The following TSHZ2 variants were observed in gnomAD, a reference collection of about 807,000 sequenced individuals.
TSHZ2 encodes teashirt homolog 2.
In TSHZ2, 21 loss-of-function variants were observed where a neutral mutation model predicts 74.4. The ratio of observed to expected loss-of-function variants is 0.28; its 90% CI spans 0.20 to 0.41. The LOEUF (loss-of-function observed/expected upper bound fraction) is 0.41, where lower values mean the gene tolerates loss of function less well. Ranked by LOEUF, TSHZ2 falls within the 10% of genes least tolerant of loss-of-function variation. The probability of loss-of-function intolerance (pLI) is 1.00; values close to 1 mark genes in which losing one functional copy is unlikely to be tolerated. For synonymous variants in TSHZ2, 540 were observed against 515.3 expected, an observed-to-expected ratio of 1.05 and a Z score of -0.65; for missense variants, 1,244 against 1,293.5, an observed-to-expected ratio of 0.96 and a Z score of 0.59.
chr20:52,985,072 C>G (rs145554865), intron 1 of TSHZ2, among the ~76,000 whole-genome samples: 1 of 152,054 alleles, frequency 6.6e-6, no homozygotes, highest in African/African-American at 2.4e-5. Flanking sequence ...GGGAAAGAGG[C>G]CACACTTTTC....
intron 1 of TSHZ2, among the ~76,000 whole-genome samples, chr20:53,081,868 T>C (rs767975554): frequency 6.6e-6 from 1 of 151,380 alleles, no homozygotes; most frequent in Non-Finnish European, 1.5e-5. Flanking sequence ...AGACTGACTG[T>C]ACGTAAGTAT....
At chr20:53,368,484 T>G (rs1244312824) in intron 2 of TSHZ2, among the ~76,000 whole-genome samples, 1 of 151,522 alleles carries the variant, frequency 6.6e-6, no homozygotes, top group Non-Finnish European at 1.5e-5. Context: ...TTTTATTTTA[T>G]TTTTTTAGTA....
rs555123586 is a variant in TSHZ2, at chr20:53,287,921, C to A, written c.*8+31350C>A. Among the ~76,000 whole-genome samples, 215 of 152,220 alleles carry A rather than the reference C, an allele frequency of 1.4e-3. 5 individuals carry two copies. The South Asian group carries it at 0.041, about 29-fold the overall frequency. On this transcript the variant is annotated intron_variant, in intron 2 of 2. Transcript: ENST00000371497. The stretch of plus-strand genomic sequence containing the variant: ...TATTCTATAAAAATATTTTTCAAAT[C>A]TCTTCCTGACATTTATTGGAGAAGA...
intron 1 of TSHZ2, among the ~76,000 whole-genome samples, chr20:53,022,807 G>A (rs1194316952): frequency 2.0e-5 from 3 of 152,142 alleles, no homozygotes; most frequent in East Asian, 1.9e-4. Flanking sequence ...TAAAATAGGA[G>A]TTCCTTTGTG....
At chr20:53,446,779 GGACT>G (rs888109850) in intron 2 of TSHZ2, among the ~76,000 whole-genome samples, 5 of 152,038 alleles carry the variant, frequency 3.3e-5, no homozygotes, top group Non-Finnish European at 5.9e-5. Context: ...AGGTATCCAG[GGACT>G]GACTCTCTAG....
At chr20:53,423,627 G>A (rs1983557432) in intron 2 of TSHZ2, among the ~76,000 whole-genome samples, 1 of 152,140 alleles carries the variant, frequency 6.6e-6, no homozygotes, top group African/African-American at 2.4e-5. Context: ...CAACTGCTTT[G>A]TTTAAGACAA....
At chr20:53,367,719 T>C (rs1256898048) in intron 2 of TSHZ2, among the ~76,000 whole-genome samples, 4 of 151,970 alleles carry the variant, frequency 2.6e-5, no homozygotes, top group Admixed American at 6.6e-5. Flanking sequence ...TACAGGCGCC[T>C]GCCACCACGC....
chr20:53,213,974 T>C (rs1255723869), intron 1 of TSHZ2, among the ~76,000 whole-genome samples: 2 of 152,196 alleles, frequency 1.3e-5, no homozygotes, highest in East Asian at 1.9e-4. Flanking sequence ...AAGTACAATA[T>C]AGTAGTAGGT....
chr20:53,303,597 GA>G (rs1286406338), intron 2 of TSHZ2, among the ~76,000 whole-genome samples: 1 of 152,168 alleles, frequency 6.6e-6, no homozygotes, highest in Admixed American at 6.5e-5. Context: ...GTGCCCTCTT[GA>G]CGTTTCTGTG....
chr20:53,247,861 TCTG>T (rs1990242446), intron 1 of TSHZ2, among the ~76,000 whole-genome samples: 1 of 152,212 alleles, frequency 6.6e-6, no homozygotes, highest in Non-Finnish European at 1.5e-5. Flanking sequence ...TGATTCCACT[TCTG>T]CTGCCATTTT....
intron 1 of TSHZ2, among the ~76,000 whole-genome samples, chr20:53,031,885 C>T (rs1983651598): frequency 6.7e-6 from 1 of 149,170 alleles, no homozygotes; most frequent in Admixed American, 6.7e-5. Flanking sequence ...AATCCATGTG[C>T]AGCATGATTA....
chr20:53,239,806 G>A (rs1186950725), intron 1 of TSHZ2, among the ~76,000 whole-genome samples: 3 of 151,984 alleles, frequency 2.0e-5, no homozygotes, highest in Non-Finnish European at 4.4e-5. Context: ...ATACACCAAG[G>A]AACGAAACAA....
intron 1 of TSHZ2, among the ~76,000 whole-genome samples, chr20:53,085,799 G>T (rs1422166481): frequency 6.6e-6 from 1 of 152,170 alleles, no homozygotes; most frequent in Admixed American, 6.5e-5. Flanking sequence ...GCAAAGTCAT[G>T]CCCATTACTG....
intron 2 of TSHZ2, among the ~76,000 whole-genome samples, chr20:53,418,883 T>G (rs1432200102): frequency 6.6e-6 from 1 of 152,072 alleles, no homozygotes; most frequent in Non-Finnish European, 1.5e-5. Flanking sequence ...TGATCATAGC[T>G]AGGATGGTGT....
At chr20:53,026,794 C>T (rs6097196) in intron 1 of TSHZ2, among the ~76,000 whole-genome samples, 104,763 of 152,036 alleles carry the variant, frequency 0.69, 36,849 homozygotes, top group East Asian at 0.96. Context: ...ATATCTTCAA[C>T]ATCTTTTCAT....
chr20:53,470,819 AAT>A lies in TSHZ2; in HGVS notation c.*9-16323_*9-16322del, dbSNP rs1491506717. Among the ~76,000 whole-genome samples the A allele has an allele frequency of 4.1e-5, 6 of 144,896 alleles. No homozygotes were observed. The East Asian group carries it at 1.1e-3, about 26-fold the overall frequency. On this transcript the variant is annotated intron_variant, in intron 2 of 2. Coordinates refer to ENST00000371497, the MANE Select transcript of TSHZ2 (RefSeq NM_173485.6). ...TAGAGCAAAAATCCATCTCAAAAAA[AAT>A]AAATAAATAAAACACTAAATATAGG...
At chr20:53,314,019 G>A (rs534283050) in intron 2 of TSHZ2, among the ~76,000 whole-genome samples, 8 of 152,240 alleles carry the variant, frequency 5.3e-5, no homozygotes, top group South Asian at 2.1e-4. Flanking sequence ...ATTGAAATAC[G>A]ATGCTGGCCA....
intron 2 of TSHZ2, among the ~76,000 whole-genome samples, chr20:53,465,399 A>G (rs1415850395): frequency 1.3e-5 from 2 of 151,800 alleles, no homozygotes; most frequent in African/African-American, 4.8e-5. Context: ...GCCTCCCGAG[A>G]AGCTGGGACT....
At chr20:53,239,816 A>G (rs1200478092) in intron 1 of TSHZ2, among the ~76,000 whole-genome samples, 2 of 152,214 alleles carry the variant, frequency 1.3e-5, no homozygotes, top group African/African-American at 4.8e-5. Flanking sequence ...GAACGAAACA[A>G]TGTGTAACAT....
Sources: gnomAD v4.1 joint callset for allele counts (sites outside exome capture counted in the v4.1 genomes callset) on GRCh38, gnomAD v4.1.1 for gene constraint, MANE v1.5 for transcripts, NCBI Gene and HGNC (gene_info 2026-07-23, HGNC 2026-07-21) for gene names.